FGD4: variants seen among roughly 807,000 people sequenced by gnomAD.
FGD4 encodes FYVE, RhoGEF and PH domain containing 4, also known as FYVE, RhoGEF and PH domain-containing protein 4.
A neutral mutation model predicts 102.0 loss-of-function variants in FGD4; 42 were observed. The ratio of observed to expected loss-of-function variants is 0.41; its 90% CI spans 0.32 to 0.53. The LOEUF is 0.53. FGD4 is among the 20% of genes least tolerant of loss of function. The pLI is 0.21. For missense variants in FGD4, 902 were observed against 1,078.2 expected (o/e 0.84, Z 2.29); for synonymous variants, 380 against 375.7 (o/e 1.01, Z -0.13).
intron 2 of FGD4, among the ~76,000 whole-genome samples, chr12:32,574,358 T>G (rs1300984231): frequency 3.3e-5 from 5 of 150,850 alleles, no homozygotes; most frequent in Non-Finnish European, 7.4e-5. Context: ...GGGTGGGAGA[T>G]TTTCCTGTTT....
intron 15 of FGD4, among the ~76,000 whole-genome samples, chr12:32,634,250 C>T (rs1461811922): frequency 1.3e-5 from 2 of 151,470 alleles, no homozygotes; most frequent in Non-Finnish European, 2.9e-5. Context: ...TCTTCTTATA[C>T]CCAAATTATT....
intron 1 of FGD4, among the ~76,000 whole-genome samples, chr12:32,421,249 G>T (rs1292585580): frequency 7.9e-5 from 12 of 152,198 alleles, no homozygotes; most frequent in Non-Finnish European, 1.3e-4. Flanking sequence ...AATAACATCA[G>T]TGGTACTCAG....
chr12:32,411,365 C>A (rs974354533), intron 1 of FGD4, among the ~76,000 whole-genome samples: 1 of 151,748 alleles, frequency 6.6e-6, no homozygotes, highest in South Asian at 2.1e-4. Flanking sequence ...GAAACCCCCT[C>A]TCTACTAAAA....
chr12:32,494,262 A>G (rs1484222920), intron 1 of FGD4, among the ~76,000 whole-genome samples: 2 of 152,170 alleles, frequency 1.3e-5, no homozygotes, highest in Non-Finnish European at 2.9e-5. Flanking sequence ...TATGTTGTCC[A>G]GGCTAGTCTT....
chr12:32,487,169 G>A (rs1470879111), intron 1 of FGD4, among the ~76,000 whole-genome samples: 3 of 152,126 alleles, frequency 2.0e-5, no homozygotes, highest in Non-Finnish European at 4.4e-5. Context: ...ATCGTGAGAA[G>A]AACATGAATT....
intron 4 of FGD4, among the ~76,000 whole-genome samples, chr12:32,583,753 G>A (rs1158012328): frequency 6.6e-6 from 1 of 152,228 alleles, no homozygotes; most frequent in Non-Finnish European, 1.5e-5. Flanking sequence ...GAGAAAGTGA[G>A]TCATACTTGG....
intron 6 of FGD4, 148 bp downstream of exon 6, chr12:32,601,571 A>G: frequency 1.0e-6 from 1 of 967,712 alleles, no homozygotes; most frequent in Non-Finnish European, 1.5e-6. Context: ...AAGTTGTGGT[A>G]CAAAGGACTT....
chr12:32,545,337 CT>C (rs1943146989), intron 1 of FGD4, among the ~76,000 whole-genome samples: 1 of 152,154 alleles, frequency 6.6e-6, no homozygotes, highest in African/African-American at 2.4e-5. Flanking sequence ...GAGGTTTTTA[CT>C]TGCCCAAGGT....
intron 2 of FGD4, among the ~76,000 whole-genome samples, chr12:32,572,958 C>T (rs1415499257): frequency 6.6e-6 from 1 of 152,180 alleles, no homozygotes; most frequent in East Asian, 1.9e-4. Context: ...TGCCCAGAAG[C>T]TAAGAAAGGT....
intron 2 of FGD4, among the ~76,000 whole-genome samples, chr12:32,567,054 G>T (rs1175533747): frequency 6.6e-6 from 1 of 152,182 alleles, no homozygotes; most frequent in Non-Finnish European, 1.5e-5. Flanking sequence ...AGACACTGTG[G>T]CTGATAGAAA....
chr12:32,438,887 C>T (rs938269383), intron 1 of FGD4, among the ~76,000 whole-genome samples: 13 of 152,104 alleles, frequency 8.5e-5, no homozygotes, highest in African/African-American at 1.9e-4. Flanking sequence ...GGATTACAGG[C>T]GTGAGCCACT....
chr12:32,546,854 A>C (rs2136166142), intron 1 of FGD4, among the ~76,000 whole-genome samples: 1 of 152,302 alleles, frequency 6.6e-6, no homozygotes, highest in East Asian at 1.9e-4. Flanking sequence ...AGGTGGTGAG[A>C]AGTGGTTCAA....
intron 1 of FGD4, among the ~76,000 whole-genome samples, chr12:32,499,831 C>CA (rs1430373503): frequency 1.3e-5 from 2 of 152,134 alleles, no homozygotes; most frequent in African/African-American, 4.8e-5. Context: ...CCTCTGCCAG[C>CA]ATGGCGAAAC....
Position 32,399,638 on chromosome 12 carries a change from A to C in FGD4, c.-156A>C. 2.9e-6 allele frequency: 4 copies of C among 1,400,664 alleles called. No homozygotes were observed. The highest frequency in any genetic ancestry group is 2.8e-6 in the Non-Finnish European group (3 of 1,084,674). 86.8% of individuals were successfully genotyped at this position (1,400,664 alleles called of 1,614,324 possible). A position where few individuals can be genotyped will look rare whatever the true frequency, so the allele number is the denominator to read the frequency against. The stretch of plus-strand genomic sequence containing the variant: ...GACGCCGGGAGGGAGCGTACCGGGA[A>C]GGAGAGGGAGAGGAGGCACTCGCTG... On this transcript the variant is annotated 5_prime_UTR_variant, in exon 1 of 17. Transcript: ENST00000534526.
intron 1 of FGD4, among the ~76,000 whole-genome samples, chr12:32,453,235 ATATTTTTTT>A (rs1942857005): frequency 4.2e-4 from 21 of 49,780 alleles, no homozygotes; most frequent in Non-Finnish European, 7.1e-4. Flanking sequence ...AGATATATAT[ATATTTTTTT>A]TTTTTTAAAT....
chr12:32,501,097 G>T (rs1188523027), intron 1 of FGD4, among the ~76,000 whole-genome samples: 3 of 152,180 alleles, frequency 2.0e-5, no homozygotes, highest in Non-Finnish European at 4.4e-5. Flanking sequence ...GTCAGCCCAG[G>T]CTGAAATACA....
chr12:32,502,177 G>A (rs1320035756), intron 1 of FGD4: 7 of 985,374 alleles, frequency 7.1e-6, no homozygotes, highest in East Asian at 1.1e-4. Context: ...TTGCTGGGCT[G>A]GGAAGTGGGG....
chr12:32,622,124 A>G (rs767570511), intron 11 of FGD4, among the ~76,000 whole-genome samples: 13 of 152,178 alleles, frequency 8.5e-5, no homozygotes, highest in South Asian at 6.2e-4. Flanking sequence ...ACCTCAGGTG[A>G]TCCACCCGCC....
intron 1 of FGD4, among the ~76,000 whole-genome samples, chr12:32,422,925 G>T (rs1315955557): frequency 6.6e-6 from 1 of 152,124 alleles, no homozygotes; most frequent in Non-Finnish European, 1.5e-5. Flanking sequence ...TCATCGTACA[G>T]AAGAGGAAGC....
Sources: allele counts gnomAD v4.1 joint callset (sites outside exome capture counted in the v4.1 genomes callset), GRCh38; gene constraint gnomAD v4.1.1; transcripts MANE v1.5; gene names NCBI Gene and HGNC (gene_info 2026-07-23, HGNC 2026-07-21).